Variants in KHDRBS2 observed in about 807,000 individuals in gnomAD.
KHDRBS2 encodes KH RNA binding domain containing, signal transduction associated 2.
Under a neutral mutation model 44.3 loss-of-function variants are expected in KHDRBS2, and 26 were observed. The ratio of observed to expected loss-of-function variants is 0.59; its 90% confidence interval spans 0.43 to 0.81. The LOEUF (loss-of-function observed/expected upper bound fraction) is 0.81, where lower values mean the gene tolerates loss of function less well. Ranked by LOEUF, KHDRBS2 falls within the 40% of genes least tolerant of loss-of-function variation. The probability of loss-of-function intolerance (pLI) is 0.00; values close to 1 mark genes in which losing one functional copy is unlikely to be tolerated. For missense variants in KHDRBS2, 476 were observed against 433.1 expected, an observed-to-expected ratio of 1.10 and a Z score of -0.88; for synonymous variants, 194 against 151.1, an observed-to-expected ratio of 1.28 and a Z score of -2.08.
intron 6 of KHDRBS2, among the ~76,000 whole-genome samples, chr6:61,770,077 G>T (rs191458687): frequency 6.6e-6 from 1 of 152,186 alleles, no homozygotes; most frequent in Non-Finnish European, 1.5e-5. Context: ...GGCAAACAGG[G>T]TCTGGAGTGG....
the KHDRBS2 span, among the ~76,000 whole-genome samples, chr6:61,569,333 A>G: frequency 6.6e-6 from 1 of 151,972 alleles, no homozygotes; most frequent in Admixed American, 6.6e-5. Context: ...CAAAAGATAG[A>G]CTCTCTTAGG....
intron 1 of KHDRBS2, among the ~76,000 whole-genome samples, chr6:62,196,087 C>G (rs1825640475): frequency 6.6e-6 from 1 of 151,994 alleles, no homozygotes; most frequent in Non-Finnish European, 1.5e-5. Context: ...GGATCAATAA[C>G]TTATAAAAAG....
chr6:61,922,079 T>A (rs1270227584), intron 4 of KHDRBS2, among the ~76,000 whole-genome samples: 2 of 152,040 alleles, frequency 1.3e-5, no homozygotes, highest in Non-Finnish European at 2.9e-5. Context: ...TTTCTCCTTT[T>A]TGAATTGCTT....
intron 6 of KHDRBS2, among the ~76,000 whole-genome samples, chr6:61,794,583 A>T (rs1302776059): frequency 1.3e-5 from 2 of 152,122 alleles, no homozygotes; most frequent in Non-Finnish European, 1.5e-5. Flanking sequence ...TTTTTCTCTA[A>T]AAATATTTGA....
chr6:61,907,837 G>A (rs1181958350), intron 4 of KHDRBS2, among the ~76,000 whole-genome samples: 1 of 152,178 alleles, frequency 6.6e-6, no homozygotes, highest in Non-Finnish European at 1.5e-5. Context: ...GAGTCTAGCT[G>A]AAACTAGAAC....
chr6:61,840,559 G>T lies in KHDRBS2; in HGVS notation c.810+54076C>A, dbSNP rs528561261. Among the ~76,000 whole-genome samples the T allele has an allele frequency of 5.3e-4, 80 of 152,114 alleles. 1 individual carries two copies. Among genetic ancestry groups the T allele is most frequent in the Non-Finnish European group, 9.7e-4 (66 of 68,024 alleles). ...ATGCCACCAGATAATAAGAGTAGCT[G>T]ATTCTAACTAGCCTATCTAAGCTGA... On this transcript the variant is annotated intron_variant, in intron 6 of 8. Transcript: ENST00000281156.
intron 1 of KHDRBS2, among the ~76,000 whole-genome samples, chr6:62,190,438 C>T (rs1236984344): frequency 6.6e-6 from 1 of 152,054 alleles, no homozygotes; most frequent in Non-Finnish European, 1.5e-5. Flanking sequence ...TTGAGACCAT[C>T]AGTACTGCAG....
the KHDRBS2 span, among the ~76,000 whole-genome samples, chr6:61,555,722 T>G: frequency 6.6e-6 from 1 of 152,058 alleles, no homozygotes; most frequent in Non-Finnish European, 1.5e-5. Flanking sequence ...CCCTTAGGGG[T>G]TTGATTGTCG....
chr6:62,028,889 A>G (rs1463963750), intron 3 of KHDRBS2, among the ~76,000 whole-genome samples: 1 of 152,132 alleles, frequency 6.6e-6, no homozygotes, highest in Non-Finnish European at 1.5e-5. Flanking sequence ...TATGAAAAAC[A>G]TGTCTTCAAA....
In KHDRBS2 at chr6:62,048,121, T is replaced by TACACACACACACACAC. The variant is rs58133580; in HGVS notation, c.220-143_220-128dup. On this transcript the variant is annotated intron_variant, in intron 2 of 8. Coordinates refer to ENST00000281156, the MANE Select transcript of KHDRBS2 (RefSeq NM_152688.4). ...TGAGAAGAGAGTCATGCCATAAACA[T>TACACACACACACACAC]ACACACACACACACACACACACACA... The TACACACACACACACAC allele has an allele frequency of 2.7e-4, 111 of 405,620 alleles. 1 individual carries two copies. Among genetic ancestry groups the TACACACACACACACAC allele is most frequent in the African/African-American group, 1.9e-3 (87 of 45,584 alleles). The allele number at this position is 405,620 out of a possible 1,614,324, so 25.1% of individuals were successfully genotyped here.
At position 61,984,709 on chromosome 6, in the gene KHDRBS2, G is replaced by A. The variant is rs182804097; in HGVS notation, c.337-6497C>T. On this transcript the variant is annotated intron_variant, in intron 3 of 8. Coordinates refer to ENST00000281156, the MANE Select transcript of KHDRBS2 (RefSeq NM_152688.4). ...CTCTGGCTATTCAGTGAACTACTCA[G>A]TACTGAGCAACTGCCACATGACTGT... 3.5e-3 allele frequency among the ~76,000 whole-genome samples: 526 copies of A among 152,240 alleles called. 2 individuals carry two copies. The highest frequency in any genetic ancestry group is 0.017 in the Middle Eastern group (5 of 294).
downstream of KHDRBS2, among the ~76,000 whole-genome samples, chr6:61,679,798 A>C (rs1766141694): frequency 6.6e-6 from 1 of 151,934 alleles, no homozygotes; most frequent in Non-Finnish European, 1.5e-5. Context: ...GTTGGATGGG[A>C]TATTTAATGT....
At chr6:61,746,138 A>C (rs1387271446) in intron 6 of KHDRBS2, among the ~76,000 whole-genome samples, 2 of 152,140 alleles carry the variant, frequency 1.3e-5, no homozygotes, top group Non-Finnish European at 2.9e-5. Context: ...ATTGGTGTAC[A>C]TGTGCCATGG....
At chr6:62,226,431 T>C (rs1831836301) in intron 1 of KHDRBS2, among the ~76,000 whole-genome samples, 1 of 152,192 alleles carries the variant, frequency 6.6e-6, no homozygotes, top group South Asian at 2.1e-4. Flanking sequence ...ATTCTGGACA[T>C]TTGACCTTTG....
At chr6:61,885,730 G>A (rs779518757) in intron 6 of KHDRBS2, among the ~76,000 whole-genome samples, 1 of 152,040 alleles carries the variant, frequency 6.6e-6, no homozygotes, top group Non-Finnish European at 1.5e-5. Context: ...TGTCACCTGG[G>A]GATTGCAGAT....
chr6:61,955,276 A>C (rs1766491746), intron 4 of KHDRBS2, among the ~76,000 whole-genome samples: 1 of 145,114 alleles, frequency 6.9e-6, no homozygotes, highest in Non-Finnish European at 1.5e-5. Flanking sequence ...ATACGTGTAA[A>C]TATACTCATA....
chr6:62,284,512 A>G (rs183709182), intron 1 of KHDRBS2, among the ~76,000 whole-genome samples: 12 of 152,178 alleles, frequency 7.9e-5, no homozygotes, highest in East Asian at 1.9e-4. Context: ...AAGTAAAAAA[A>G]GTTCGTTTTT....
the KHDRBS2 span, among the ~76,000 whole-genome samples, chr6:61,606,065 C>A: frequency 1.3e-5 from 2 of 152,142 alleles, no homozygotes; most frequent in African/African-American, 4.8e-5. Flanking sequence ...TGACTGAGCA[C>A]CTTGTGAACC....
rs548927604 is a variant in KHDRBS2 at position 62,168,537 on chromosome 6, C to A, written c.219+8648G>T. On this transcript the variant is annotated intron_variant, in intron 2 of 8. Coordinates refer to ENST00000281156, the MANE Select transcript of KHDRBS2 (RefSeq NM_152688.4). ...ATTCCTTTTGCATGTCTAGTAGTAA[C>A]GAAATATAGCACAGCTTGTGCCATT... is the stretch of plus-strand genomic sequence containing the variant. Among the ~76,000 whole-genome samples, 318 of 152,118 alleles carry A rather than the reference C, an allele frequency of 2.1e-3. 1 individual carries two copies. Among genetic ancestry groups the A allele is most frequent in the African/African-American group, 7.2e-3 (299 of 41,502 alleles).
Sources: gnomAD v4.1 joint callset for allele counts (sites outside exome capture counted in the v4.1 genomes callset) on GRCh38, gnomAD v4.1.1 for gene constraint, MANE v1.5 for transcripts, NCBI Gene and HGNC (gene_info 2026-07-23, HGNC 2026-07-21) for gene names.